Variants in ELOVL6 observed in about 807,000 individuals in gnomAD.
ELOVL6 encodes very long chain fatty acid elongase 6.
ELOVL6 carries 8 observed loss-of-function variants against 31.7 expected under a neutral mutation model. The ratio of observed to expected loss-of-function variants is 0.25; its 90% CI spans 0.15 to 0.45. The LOEUF (loss-of-function observed/expected upper bound fraction) is 0.45, where lower values mean the gene tolerates loss of function less well. Among genes scored for constraint, ELOVL6 ranks in the 20% least tolerant of loss-of-function variants. The probability of loss-of-function intolerance (pLI) is 1.00; values close to 1 mark genes in which losing one functional copy is unlikely to be tolerated. For synonymous variants in ELOVL6, 101 were observed against 117.7 expected (o/e 0.86, Z 0.92); for missense variants, 126 against 326.4 (o/e 0.39, Z 4.73).
chr4:110,176,174 ATTTT>A (rs1447602583), intron 1 of ELOVL6, among the ~76,000 whole-genome samples: 1 of 151,620 alleles, frequency 6.6e-6, no homozygotes, highest in African/African-American at 2.4e-5. Flanking sequence ...TTATTTATTT[ATTTT>A]TTGAGATGGA....
chr4:110,084,723 T>C (rs531037415), intron 2 of ELOVL6, among the ~76,000 whole-genome samples: 125 of 149,224 alleles, frequency 8.4e-4, no homozygotes, highest in African/African-American at 2.9e-3. Context: ...GCCTCCTGAG[T>C]AGCTGGGGCT....
intron 1 of ELOVL6, among the ~76,000 whole-genome samples, chr4:110,177,877 A>G (rs893295101): frequency 3.3e-5 from 5 of 152,210 alleles, no homozygotes; most frequent in Non-Finnish European, 4.4e-5. Flanking sequence ...CACCAAACTG[A>G]TGAGTATTAC....
chr4:110,047,379 C>A lies in ELOVL6; in HGVS notation c.*3959G>T, dbSNP rs750669522. ...CCCTCAGAATATGCCCTAGCTGCCT[C>A]GGTTGTGTGACACACACCGTGGTCT... On this transcript the variant is annotated 3_prime_UTR_variant, in exon 4 of 4. Transcript: ENST00000302274. 3 of 151,098 alleles carry A rather than the reference C, an allele frequency of 2.0e-5. No individual in the cohort carries two copies. Among genetic ancestry groups the A allele is most frequent in the African/African-American group, 7.3e-5 (3 of 41,180 alleles). The allele number at this position is 151,098 out of a possible 1,614,324, so 9.4% of individuals were successfully genotyped here.
intron 2 of ELOVL6, among the ~76,000 whole-genome samples, chr4:110,104,983 G>T (rs79601358): frequency 2.7e-3 from 415 of 152,296 alleles, no homozygotes; most frequent in African/African-American, 9.6e-3. Context: ...AGTCAGTTCG[G>T]GGAATGAGGG....
At position 110,111,388 on chromosome 4, in the gene ELOVL6, T is replaced by C. The variant is rs17041370; in HGVS notation, c.90-5760A>G. Reference sequence around the variant, plus strand: ...TTTTTTTCAGTAGCTGATGAAAATGTTGACATCCACCCATCCATTCAAAAT... The same window carrying C: ...TTTTTTTCAGTAGCTGATGAAAATGCTGACATCCACCCATCCATTCAAAAT... On this transcript the variant is annotated intron_variant, in intron 1 of 3. Transcript: ENST00000302274. Among the ~76,000 whole-genome samples the C allele has an allele frequency of 4.1e-3, 611 of 149,168 alleles. 3 individuals carry two copies. Among genetic ancestry groups the C allele is most frequent in the African/African-American group, 0.014 (576 of 40,262 alleles).
At chr4:110,089,975 C>G (rs1756373692) in intron 2 of ELOVL6, among the ~76,000 whole-genome samples, 1 of 152,158 alleles carries the variant, frequency 6.6e-6, no homozygotes, top group Non-Finnish European at 1.5e-5. Flanking sequence ...ACACAGCAGG[C>G]TTTAGGGTTT....
At chr4:110,106,922 C>G (rs531400937) in intron 1 of ELOVL6, among the ~76,000 whole-genome samples, 52 of 152,252 alleles carry the variant, frequency 3.4e-4, no homozygotes, top group African/African-American at 1.2e-3. Flanking sequence ...CTGAAAGCAA[C>G]AGAAACCTTA....
At chr4:110,167,208 C>T (rs1758802522) in intron 1 of ELOVL6, among the ~76,000 whole-genome samples, 1 of 152,214 alleles carries the variant, frequency 6.6e-6, no homozygotes, top group East Asian at 1.9e-4. Flanking sequence ...TTCTGGTTCT[C>T]AGGAATAAAA....
chr4:110,164,758 A>G (rs1049894874), intron 1 of ELOVL6, among the ~76,000 whole-genome samples: 18 of 116,364 alleles, frequency 1.5e-4, no homozygotes, highest in African/African-American at 8.2e-4. Context: ...AAAAAAAAGA[A>G]AAAAAAAAAA....
intron 1 of ELOVL6, among the ~76,000 whole-genome samples, chr4:110,173,594 G>C (rs553951195): frequency 2.1e-3 from 314 of 146,900 alleles, no homozygotes; most frequent in African/African-American, 7.6e-3. Flanking sequence ...CCTTGATCAG[G>C]TCAAGTGACA....
At chr4:110,142,166 G>A (rs180829188) in intron 1 of ELOVL6, among the ~76,000 whole-genome samples, 1 of 148,006 alleles carries the variant, frequency 6.8e-6, no homozygotes, top group African/African-American at 2.5e-5. Flanking sequence ...CACCTCCTGG[G>A]ATCACACCAT....
chr4:110,181,851 A>C (rs1255190188), intron 1 of ELOVL6, among the ~76,000 whole-genome samples: 1 of 152,212 alleles, frequency 6.6e-6, no homozygotes, highest in Admixed American at 6.5e-5. Flanking sequence ...CTCTGGATCC[A>C]CAGAGCCTGG....
intron 2 of ELOVL6, among the ~76,000 whole-genome samples, chr4:110,069,173 G>GATAATAATAAT (rs1560805300): frequency 0.022 from 2,232 of 102,840 alleles, 57 homozygotes; most frequent in African/African-American, 0.078. Flanking sequence ...ATAATAATAG[G>GATAATAATAAT]GACACTTGGT....
chr4:110,119,579 C>T (rs72900509), intron 1 of ELOVL6, among the ~76,000 whole-genome samples: 5,846 of 152,154 alleles, frequency 0.038, 369 homozygotes, highest in African/African-American at 0.13. Flanking sequence ...AGACAGTGTC[C>T]GGAGCTGGTT....
At chr4:110,195,700 G>T (rs11931032) in intron 1 of ELOVL6, among the ~76,000 whole-genome samples, 1,917 of 152,258 alleles carry the variant, frequency 0.013, 37 homozygotes, top group African/African-American at 0.042. Flanking sequence ...ACTCTGCCAC[G>T]GTATGCAAGT....
At chr4:110,129,080 A>C (rs1757593209) in intron 1 of ELOVL6, among the ~76,000 whole-genome samples, 1 of 152,248 alleles carries the variant, frequency 6.6e-6, no homozygotes. Flanking sequence ...TTTATGTAGC[A>C]GATTTAGTCC....
chr4:110,078,758 A>T (rs1410535291), intron 2 of ELOVL6, among the ~76,000 whole-genome samples: 1 of 152,244 alleles, frequency 6.6e-6, no homozygotes, highest in Non-Finnish European at 1.5e-5. Flanking sequence ...TTAAATGTAA[A>T]TGGGCTAAAT....
chr4:110,127,228 G>A (rs1757524298), intron 1 of ELOVL6, among the ~76,000 whole-genome samples: 1 of 151,890 alleles, frequency 6.6e-6, no homozygotes, highest in South Asian at 2.1e-4. Context: ...CCAACATGGT[G>A]AAACCCTGTC....
intron 2 of ELOVL6, among the ~76,000 whole-genome samples, chr4:110,081,358 GA>G (rs1034271362): frequency 2.3e-4 from 35 of 152,264 alleles, no homozygotes; most frequent in African/African-American, 7.5e-4. Context: ...CAAGGCTACA[GA>G]AACCAAAACA....
Sources: allele counts gnomAD v4.1 joint callset (sites outside exome capture counted in the v4.1 genomes callset), GRCh38; gene constraint gnomAD v4.1.1; transcripts MANE v1.5; gene names NCBI Gene and HGNC (gene_info 2026-07-23, HGNC 2026-07-21).